Variants in ADGRG2 observed in about 807,000 individuals in gnomAD.
ADGRG2 encodes adhesion G protein-coupled receptor G2.
In ADGRG2, 26 loss-of-function variants were observed where a neutral mutation model predicts 74.1. The observed-to-expected ratio is 0.35, with a 90% CI of 0.26 to 0.49. The LOEUF (loss-of-function observed/expected upper bound fraction) is 0.49, where lower values mean the gene tolerates loss of function less well. Ranked by LOEUF, ADGRG2 falls within the 20% of genes least tolerant of loss-of-function variation. ADGRG2 has a pLI of 0.99. For synonymous variants in ADGRG2, 296 were observed against 295.2 expected (o/e 1.00, Z -0.03); for missense variants, 619 against 763.1 (o/e 0.81, Z 2.22).
chrX:19,090,419 G>A (rs1368989689), intron 1 of ADGRG2, among the ~76,000 whole-genome samples: 1 of 111,947 alleles, frequency 8.9e-6, no homozygotes. Context: ...GGGTTAAGAG[G>A]CATGGTTTAA....
chrX:19,104,102 C>T (rs773800540), intron 1 of ADGRG2, among the ~76,000 whole-genome samples: 39 of 110,875 alleles, frequency 3.5e-4, no homozygotes, highest in African/African-American at 1.3e-3. Flanking sequence ...CGATGCAAAG[C>T]TTCGGAAACG....
intron 15 of ADGRG2, among the ~76,000 whole-genome samples, chrX:19,014,399 A>C (rs2060424073): frequency 9.0e-6 from 1 of 111,301 alleles, no homozygotes; most frequent in South Asian, 3.8e-4. Flanking sequence ...GGGTGAGGGG[A>C]ACTGCGAAAT....
chrX:19,055,757 T>G (rs1602017263), intron 3 of ADGRG2, among the ~76,000 whole-genome samples: 1 of 91,032 alleles, frequency 1.1e-5, no homozygotes, highest in Non-Finnish European at 2.2e-5. Flanking sequence ...TGAGATGGAG[T>G]CTCTCTCACT....
intron 1 of ADGRG2, among the ~76,000 whole-genome samples, chrX:19,084,385 G>A (rs1243446413): frequency 9.0e-6 from 1 of 110,735 alleles, no homozygotes; most frequent in Non-Finnish European, 1.9e-5. Flanking sequence ...TAGGTGATGG[G>A]TTGATAGGTA....
chrX:19,113,466 G>A (rs1248613331), intron 1 of ADGRG2, among the ~76,000 whole-genome samples: 1 of 111,966 alleles, frequency 8.9e-6, no homozygotes, highest in African/African-American at 3.2e-5. Context: ...GAATACAAAC[G>A]GCAGATTAGA....
chrX:19,049,422 T>C (rs2061261456), intron 3 of ADGRG2, among the ~76,000 whole-genome samples: 1 of 107,252 alleles, frequency 9.3e-6, no homozygotes, highest in South Asian at 4.1e-4. Context: ...CTGTGTCATA[T>C]ATAAGCGTTT....
At chrX:19,007,133 G>A (rs2060252172) in intron 20 of ADGRG2, 102 bp downstream of exon 20, 1 of 847,428 alleles carries the variant, frequency 1.2e-6, no homozygotes, top group South Asian at 2.2e-5. Context: ...CTGAGCTGAA[G>A]GTTCTTTCTG....
intron 1 of ADGRG2, among the ~76,000 whole-genome samples, chrX:19,098,165 G>GT (rs375781568): frequency 0.021 from 2,264 of 108,873 alleles, 67 homozygotes; most frequent in African/African-American, 0.072. Flanking sequence ...TCTCTTCTAT[G>GT]TTTTTTTTTT....
intron 1 of ADGRG2, among the ~76,000 whole-genome samples, chrX:19,094,794 G>A (rs2062068707): frequency 8.9e-6 from 1 of 112,786 alleles, no homozygotes; most frequent in Admixed American, 9.3e-5. Context: ...GATGGTGTAC[G>A]GTAGGGTGGA....
chrX:19,037,923 A>C (rs1289953996), intron 4 of ADGRG2, among the ~76,000 whole-genome samples: 2 of 112,227 alleles, frequency 1.8e-5, no homozygotes, highest in East Asian at 5.6e-4. Flanking sequence ...ACCAAAATAC[A>C]AGAAATACTA....
chrX:19,002,714 T>C, intron 24 of ADGRG2, 132 bp downstream of exon 24: 9 of 589,508 alleles, frequency 1.5e-5, no homozygotes, highest in Non-Finnish European at 2.5e-5. Flanking sequence ...GCAGTGCACA[T>C]GTAAGAGTAT....
intron 1 of ADGRG2, among the ~76,000 whole-genome samples, chrX:19,097,913 A>G (rs1463240087): frequency 8.8e-6 from 1 of 113,108 alleles, no homozygotes; most frequent in Non-Finnish European, 1.9e-5. Flanking sequence ...ACGCAAATGG[A>G]TCAATCTGTG....
intron 28 of ADGRG2, among the ~76,000 whole-genome samples, chrX:18,991,358 C>T (rs1029971161): frequency 6.3e-5 from 7 of 110,775 alleles, no homozygotes; most frequent in African/African-American, 2.3e-4. Flanking sequence ...CTTCCTAACT[C>T]TGGTTGGATA....
chrX:19,026,566 G>C (rs1215557099), intron 11 of ADGRG2, among the ~76,000 whole-genome samples: 2 of 108,836 alleles, frequency 1.8e-5, no homozygotes, highest in African/African-American at 6.7e-5. Context: ...TGCAATCTTG[G>C]CTCACTGCAA....
At chrX:19,118,582 T>A (rs2062563776) in intron 1 of ADGRG2, among the ~76,000 whole-genome samples, 1 of 111,257 alleles carries the variant, frequency 9.0e-6, no homozygotes, top group African/African-American at 3.3e-5. Context: ...GGGACGGGAA[T>A]GTTGCTATGT....
In ADGRG2 at chrX:19,009,608, C is replaced by T. The variant is rs751161627; in HGVS notation, c.1422+18G>A. The T allele has an allele frequency of 1.7e-6, 2 of 1,189,389 alleles. No individual in the cohort carries two copies. Among genetic ancestry groups the T allele is most frequent in the African/African-American group, 3.5e-5 (2 of 56,737 alleles). On this transcript the variant is annotated intron_variant, in intron 18 of 28. Transcript: ENST00000379869. ...ACACACAAGAGAATGTTTTTTTCTG[C>T]CATCAATTATGATGTACCTGAAGAT...
intron 13 of ADGRG2, among the ~76,000 whole-genome samples, chrX:19,023,060 A>G (rs1416644525): frequency 9.0e-6 from 1 of 110,714 alleles, no homozygotes; most frequent in Non-Finnish European, 1.9e-5. Context: ...CCCAAGCTCC[A>G]TGTTACATTC....
intron 15 of ADGRG2, among the ~76,000 whole-genome samples, chrX:19,014,779 C>T (rs908588088): frequency 4.5e-5 from 5 of 111,059 alleles, no homozygotes; most frequent in African/African-American, 1.6e-4. Context: ...ACTACAGGCA[C>T]CTGCCACCAT....
intron 25 of ADGRG2, among the ~76,000 whole-genome samples, chrX:18,999,507 C>CT (rs1394464729): frequency 9.0e-6 from 1 of 111,689 alleles, no homozygotes; most frequent in African/African-American, 3.3e-5. Context: ...AAAAATAGAC[C>CT]TTTTTTTAAA....
Sources: allele counts gnomAD v4.1 joint callset (sites outside exome capture counted in the v4.1 genomes callset), GRCh38; gene constraint gnomAD v4.1.1; transcripts MANE v1.5; gene names NCBI Gene and HGNC (gene_info 2026-07-23, HGNC 2026-07-21).